ANKRD18A: variants seen among roughly 807,000 people sequenced by gnomAD.
ANKRD18A encodes ankyrin repeat domain 18A.
ANKRD18A carries 72 observed loss-of-function variants against 110.6 expected under a neutral mutation model. The observed-to-expected ratio is 0.65, with a 90% CI of 0.54 to 0.79. ANKRD18A has a LOEUF of 0.79. ANKRD18A is among the 30% of genes least tolerant of loss of function. The probability of loss-of-function intolerance (pLI) is 0.00; values close to 1 mark genes in which losing one functional copy is unlikely to be tolerated. For synonymous variants in ANKRD18A, 305 were observed against 410.3 expected (o/e 0.74, Z 3.10); for missense variants, 934 against 1,163.3 (o/e 0.80, Z 2.87).
At chr9:38,571,236 T>C (rs1195399404), downstream of ANKRD18A, 1 of 1,484,170 alleles carries the variant, frequency 6.7e-7, no homozygotes, top group East Asian at 2.5e-5. Flanking sequence ...TTAGAACACC[T>C]TGTGCCAGAA....
At chr9:38,617,354 C>A (rs779770155) in intron 1 of ANKRD18A, among the ~76,000 whole-genome samples, 4 of 152,092 alleles carry the variant, frequency 2.6e-5, no homozygotes, top group Admixed American at 6.5e-5. Context: ...GCAGGATAAT[C>A]ACTTGAACCT....
At chr9:38,569,931 A>C (rs1423295314), downstream of ANKRD18A, among the ~76,000 whole-genome samples, 1 of 152,192 alleles carries the variant, frequency 6.6e-6, no homozygotes, top group Non-Finnish European at 1.5e-5. Flanking sequence ...TCTGCCAAGC[A>C]GTGCTGAATT....
At chr9:38,568,229 G>C (rs142451821), downstream of ANKRD18A, 1 of 152,394 alleles carries the variant, frequency 6.6e-6, no homozygotes, top group Non-Finnish European at 1.5e-5. Flanking sequence ...CCACAGTGCT[G>C]TAGGAGCCCT....
chr9:38,571,685 T>C lies in ANKRD18A; in HGVS notation c.*360A>G, dbSNP rs979469091. The C allele has an allele frequency of 1.2e-5, 12 of 1,031,880 alleles. No individual in the cohort carries two copies. The African/African-American group carries it at 1.5e-4, about 13-fold the overall frequency. The allele number at this position is 1,031,880 out of a possible 1,614,324, so 63.9% of individuals were successfully genotyped here. A position where few individuals can be genotyped will look rare whatever the true frequency, so the allele number is the denominator to read the frequency against. On this transcript the variant is annotated 3_prime_UTR_variant, in exon 16 of 16. Transcript: ENST00000399703. Reference sequence around the variant, plus strand: ...TCGATGACCTTTACTAAAGTATCAATGATGACTTGGTTGTTTGGCTGTTTA... The same window carrying C: ...TCGATGACCTTTACTAAAGTATCAACGATGACTTGGTTGTTTGGCTGTTTA...
chr9:38,597,564 A>G (rs1353986412), intron 8 of ANKRD18A, among the ~76,000 whole-genome samples: 1 of 152,150 alleles, frequency 6.6e-6, no homozygotes, highest in Admixed American at 6.6e-5. Flanking sequence ...CTAAGGTGGC[A>G]TTGCCTAGCA....
intron 12 of ANKRD18A, among the ~76,000 whole-genome samples, chr9:38,579,892 C>T (rs1824079005): frequency 6.6e-6 from 1 of 152,186 alleles, no homozygotes; most frequent in Non-Finnish European, 1.5e-5. Flanking sequence ...TTTATTGTAG[C>T]TCTATTCACA....
Position 38,572,054 on chromosome 9 carries a change from C to G in ANKRD18A, c.2970G>C (p.Leu990Phe). The G allele has an allele frequency of 6.3e-7, 1 of 1,585,618 alleles. No individual in the cohort carries two copies. Among genetic ancestry groups the G allele is most frequent in the Non-Finnish European group, 8.5e-7 (1 of 1,170,572 alleles). The change falls in exon 16 of 16, where the codon TTG becomes TTC. Residue 990 changes from leucine (L) to phenylalanine (F), a missense_variant. By Grantham distance (22) the Leu-to-Phe change is conservative. Coordinates refer to ENST00000399703, the MANE Select transcript of ANKRD18A (RefSeq NM_147195.4). ...AGACGGGAGCAAGTGCTCAACATAG[C>G]AAAACCTGGAAAGAAAAAGAAAGGA... ...NNCKNFLTEV[L>F]LC is the part of the protein sequence containing the mutation.
chr9:38,590,968 C>A (rs4097290), intron 10 of ANKRD18A, among the ~76,000 whole-genome samples: 5,732 of 151,938 alleles, frequency 0.038, 163 homozygotes, highest in African/African-American at 0.084. Context: ...CTATACAAAA[C>A]GTTTTATTTA....
chr9:38,577,202 T>G lies in ANKRD18A; in HGVS notation c.2592A>C (p.Lys864Asn), dbSNP rs1447287395. The G allele has an allele frequency of 3.9e-6, 6 of 1,547,224 alleles. No homozygotes were observed. Among genetic ancestry groups the G allele is most frequent in the Non-Finnish European group, 5.2e-6 (6 of 1,146,146 alleles). Residue 864 changes from lysine (K) to asparagine (N), a missense_variant, in exon 14 of 16, where the codon AAA (lysine) becomes AAC (asparagine). Physicochemically the swap from Lys to Asn is moderately conservative, Grantham distance 94. Around this residue, in one of 4 missense-constraint regions of ANKRD18A, gnomAD observed 223 missense variants for 226.7 expected, o/e 0.98. Transcript: ENST00000399703. The stretch of plus-strand genomic sequence containing the variant: ...CATCTTTAAGTGTGAGTTCCTTCTT[T>G]TTTAGTGAAGCCGTATTATCCTTGT... Reference protein sequence around the residue: ...QLNKDNTASLKKKELTLKDVE... With the variant: ...QLNKDNTASLNKKELTLKDVE...
rs139070805 is a variant in ANKRD18A, at chr9:38,588,576, G to A, written c.2092C>T (p.Arg698Cys). Residue 698 changes from arginine to cysteine, a missense_variant, in exon 11 of 16, where the codon CGT (arginine) becomes TGT (cysteine). Physicochemically the swap from Arg to Cys is radical, Grantham distance 180 (BLOSUM62 -3). This residue lies in a region of ANKRD18A where 79 missense variants were observed against 122.8 expected (regional missense o/e 0.64). Transcript: ENST00000399703. The stretch of plus-strand genomic sequence containing the variant: ...CCAGTTGCCTCTTCTTCTAATTCAC[G>A]ATTTTTCTTTCTTATTTGGTCCGCA... ...YTADQIRKKN[R>C]ELEEEATGYK... 1.5e-3 allele frequency: 2,025 copies of A among 1,357,356 alleles called. 26 individuals are homozygous for A. The African/African-American group carries it at 0.027, about 18-fold the overall frequency. 84.1% of individuals were successfully genotyped at this position (1,357,356 alleles called of 1,614,324 possible).
chr9:38,575,088 C>A (rs1823820307), intron 15 of ANKRD18A, among the ~76,000 whole-genome samples: 2 of 124,234 alleles, frequency 1.6e-5, no homozygotes, highest in South Asian at 2.4e-4. Context: ...AGCAAGACAC[C>A]ATCTCAAAAA....
chr9:38,571,739 G>C lies in ANKRD18A; in HGVS notation c.*306C>G. The stretch of plus-strand genomic sequence containing the variant: ...AGCTGACATTCAGGCAATTTGAGTA[G>C]GCCAAACTCAATAACGCTGGTGTTC... On this transcript the variant is annotated 3_prime_UTR_variant, in exon 16 of 16. Coordinates refer to ENST00000399703, the MANE Select transcript of ANKRD18A (RefSeq NM_147195.4). The C allele has an allele frequency of 3.7e-6, 4 of 1,067,298 alleles. No individual in the cohort carries two copies. Among genetic ancestry groups the C allele is most frequent in the Non-Finnish European group, 4.5e-6 (4 of 882,940 alleles). 66.1% of individuals were successfully genotyped at this position (1,067,298 alleles called of 1,614,324 possible).
At chr9:38,604,283 C>T (rs976461543) in intron 6 of ANKRD18A, 16 of 151,854 alleles carry the variant, frequency 1.1e-4, no homozygotes, top group Non-Finnish European at 1.6e-4. Context: ...GGTGATAGAG[C>T]GAGACTACAT....
At position 38,603,189 on chromosome 9, in the gene ANKRD18A, T is replaced by G; in HGVS notation, c.832A>C (p.Asn278His). 6.4e-7 allele frequency: 1 copy of G among 1,551,176 alleles called. No homozygotes were observed. Among genetic ancestry groups the G allele is most frequent in the Non-Finnish European group, 8.7e-7 (1 of 1,146,654 alleles). ...NQETAAMKPA[N>H]LKKRKERAKA... Reference sequence around the variant, plus strand: ...GCACGTTCTTTTCTTTTTTTCAAATTTGCAGGCTTCATAGCTGCTGTTTCT... The same window carrying G: ...GCACGTTCTTTTCTTTTTTTCAAATGTGCAGGCTTCATAGCTGCTGTTTCT... The change falls in exon 7 of 16, where the codon AAT (asparagine) becomes CAT (histidine). Residue 278 changes from asparagine to histidine, a missense_variant. Asn to His is a moderately conservative substitution (Grantham distance 68). Coordinates refer to ENST00000399703, the MANE Select transcript of ANKRD18A (RefSeq NM_147195.4).
At chr9:38,603,048 A>T in intron 7 of ANKRD18A, 111 bp downstream of exon 7, 1 of 1,416,080 alleles carries the variant, frequency 7.1e-7, no homozygotes, top group African/African-American at 1.5e-5. Context: ...TAATAGACTG[A>T]TGTACTCCAT....
chr9:38,571,421 A>C lies in ANKRD18A; in HGVS notation c.*624T>G, dbSNP rs1823639406. ...GTAGAACAAAGAAGAAAATAAGAAA[A>C]ACAATCATCTGGCAACCATCACAGT... is the stretch of plus-strand genomic sequence containing the variant. On this transcript the variant is annotated 3_prime_UTR_variant, in exon 16 of 16. Transcript: ENST00000399703. The C allele has an allele frequency of 1.6e-6, 1 of 621,692 alleles. No individual in the cohort carries two copies. Among genetic ancestry groups the C allele is most frequent in the Non-Finnish European group, 2.3e-6 (1 of 436,564 alleles). 38.5% of individuals were successfully genotyped at this position (621,692 alleles called of 1,614,324 possible).
chr9:38,588,838 G>A (rs1311610263), intron 10 of ANKRD18A, among the ~76,000 whole-genome samples, 175 bp from the exon 11 acceptor site: 2 of 152,228 alleles, frequency 1.3e-5, no homozygotes, highest in East Asian at 1.9e-4. Context: ...TCTTAAAACA[G>A]CTAAAAAAGA....
At chr9:38,578,596 G>A (rs1051427217) in intron 12 of ANKRD18A, among the ~76,000 whole-genome samples, 20 of 152,214 alleles carry the variant, frequency 1.3e-4, no homozygotes, top group East Asian at 9.6e-4. Context: ...AATACTCTAC[G>A]CTAGGCATGG....
intron 8 of ANKRD18A, among the ~76,000 whole-genome samples, chr9:38,596,812 C>T (rs1265977422): frequency 3.3e-5 from 5 of 152,146 alleles, no homozygotes; most frequent in Non-Finnish European, 7.4e-5. Flanking sequence ...ACCTCGACAT[C>T]TATTTGGACA....
Sources: gnomAD v4.1 joint callset for allele counts (sites outside exome capture counted in the v4.1 genomes callset) on GRCh38, gnomAD v4.1.1 for gene constraint, gnomAD v4.1.1 regional missense constraint, MANE v1.5 for transcripts, NCBI Gene and HGNC (gene_info 2026-07-23, HGNC 2026-07-21) for gene names.